STAG3: variants seen among roughly 807,000 people sequenced by gnomAD.
STAG3 encodes cohesin subunit SA-3.
A neutral mutation model predicts 160.7 loss-of-function variants in STAG3; 101 were observed. The ratio of observed to expected loss-of-function variants is 0.63; its 90% CI spans 0.54 to 0.74. The LOEUF (loss-of-function observed/expected upper bound fraction) is 0.74. Among genes scored for constraint, STAG3 ranks in the 30% least tolerant of loss-of-function variants. The pLI is 0.00. For missense variants in STAG3, 1,188 were observed against 1,517.4 expected, an observed-to-expected ratio of 0.78 and a Z score of 3.61; for synonymous variants, 519 against 585.0, an observed-to-expected ratio of 0.89 and a Z score of 1.63.
chr7:100,188,324 A>T lies in STAG3; in HGVS notation c.434-129A>T, dbSNP rs1267944512. 6.5e-6 allele frequency: 5 copies of T among 774,382 alleles called. No homozygotes were observed. The East Asian group carries it at 1.2e-4, about 19-fold the overall frequency. The allele number at this position is 774,382 out of a possible 1,614,324, so 48.0% of individuals were successfully genotyped here. ...GTTGGATGTTGGCAGACTGTTGACCAGGGGGTCTTCTCATTCCCCACCTAA... is the reference window on the plus strand; with the variant it reads ...GTTGGATGTTGGCAGACTGTTGACCTGGGGGTCTTCTCATTCCCCACCTAA... On this transcript the variant is annotated intron_variant, in intron 5 of 33. Coordinates refer to ENST00000615138, the MANE Select transcript of STAG3 (RefSeq NM_001282717.2).
chr7:100,205,287 C>T lies in STAG3; in HGVS notation c.3141C>T (p.Gly1047=), dbSNP rs762705030. The change falls in exon 29 of 34, where the codon GGC becomes GGT. Residue 1047 remains glycine (G), a synonymous_variant. Transcript: ENST00000615138. ...CCCAGGCACCTGGCCATCCCTGGGG[C>T]CCAGTCACCACCTACTGCCACTCCC... The part of the protein sequence containing the change: ...HVSQAPGHPW[G]PVTTYCHSLS... 15 of 1,614,020 alleles carry T rather than the reference C, an allele frequency of 9.3e-6. No homozygotes were observed. Among genetic ancestry groups the T allele is most frequent in the Admixed American group, 3.3e-5 (2 of 59,996 alleles).
At chr7:100,194,218 A>T (rs1206563958) in intron 8 of STAG3, among the ~76,000 whole-genome samples, 2 of 152,176 alleles carry the variant, frequency 1.3e-5, no homozygotes, top group African/African-American at 4.8e-5. Flanking sequence ...TGCTGGGATT[A>T]TAGGTGTGAG....
chr7:100,198,982 G>A (rs762188809), intron 14 of STAG3, 25 bp downstream of exon 14: 35 of 1,605,288 alleles, frequency 2.2e-5, no homozygotes, highest in Non-Finnish European at 2.3e-5. Context: ...GAGAAGTCTG[G>A]CTGTTGTGCA....
At position 100,202,458 on chromosome 7, in the gene STAG3, T is replaced by C. The variant is rs547475730; in HGVS notation, c.2568T>C (p.Asp856=). Residue 856 remains aspartate, a synonymous_variant, in exon 25 of 34, where the codon GAT becomes GAC. Transcript: ENST00000615138. ...TTTGCCTTCCATGTGAGCCAGGTGA[T>C]TCCCAGGAGGATCATTTACAGATAG... ...FIQPGDLGSG[D]SQEDHLQIER... The C allele has an allele frequency of 1.9e-6, 3 of 1,613,506 alleles. No individual in the cohort carries two copies. The highest frequency in any genetic ancestry group is 2.2e-5 in the South Asian group (2 of 91,072).
At chr7:100,183,256 C>T (rs1242814737) in intron 4 of STAG3, among the ~76,000 whole-genome samples, 8 of 151,972 alleles carry the variant, frequency 5.3e-5, no homozygotes, top group African/African-American at 1.7e-4. Context: ...TCAGGTGATC[C>T]GCCCACCTTG....
intron 1 of STAG3, among the ~76,000 whole-genome samples, chr7:100,180,181 G>A (rs1347354181): frequency 1.3e-5 from 2 of 152,062 alleles, no homozygotes; most frequent in Non-Finnish European, 2.9e-5. Flanking sequence ...TCAGCCTCCT[G>A]AATAGCTGAA....
rs562553073 is a variant in STAG3, at chr7:100,209,364, C to T, written c.3239-1647C>T. Among the ~76,000 whole-genome samples, 31 of 152,188 alleles carry T rather than the reference C, an allele frequency of 2.0e-4. No individual in the cohort carries two copies. In the South Asian group the frequency reaches 6.0e-3, roughly 30 times the overall value. On this transcript the variant is annotated intron_variant, in intron 29 of 33. Transcript: ENST00000615138. ...CAAAGGAAGCAGCCAGTCCTGAGGC[C>T]ACGAGGGGATGGGGGGAATGTTCCT...
At chr7:100,189,165 C>A in intron 7 of STAG3, 149 bp downstream of exon 7, 1 of 965,946 alleles carries the variant, frequency 1.0e-6, no homozygotes, top group Non-Finnish European at 1.5e-6. Context: ...TCCAGTTTCT[C>A]ACTAGTGGAG....
At chr7:100,195,155 A>G (rs1162488917) in intron 8 of STAG3, among the ~76,000 whole-genome samples, 154 bp from the exon 9 acceptor site, 1 of 152,242 alleles carries the variant, frequency 6.6e-6, no homozygotes, top group African/African-American at 2.4e-5. Context: ...TTCTTCCAGA[A>G]TTAGAAGGTT....
In STAG3 at chr7:100,182,113, A is replaced by G. The variant is rs1439078672; in HGVS notation, c.140A>G (p.Asp47Gly). 6.2e-7 allele frequency: 1 copy of G among 1,613,780 alleles called. No homozygotes were observed. Residue 47 changes from aspartate (D) to glycine (G), a missense_variant, in exon 3 of 34, where the codon GAT becomes GGT. Around this residue, in one of 4 missense-constraint regions of STAG3, gnomAD observed 296 missense variants for 404.0 expected, o/e 0.73. Transcript: ENST00000615138. ...AGGAATGGCGACTCTTTGTTAGCTG[A>G]TGAAGACACTGACTTTGAAGACAGC... ...SEGNGDSLLA[D>G]EDTDFEDSLN...
chr7:100,188,802 C>A lies in STAG3; in HGVS notation c.511-10C>A, dbSNP rs1368184229. 1.2e-6 allele frequency: 2 copies of A among 1,613,836 alleles called. No individual in the cohort carries two copies. The highest frequency in any genetic ancestry group is 1.7e-6 in the Non-Finnish European group (2 of 1,179,890). On this transcript the variant is annotated splice_polypyrimidine_tract_variant and intron_variant, in intron 6 of 33. Coordinates refer to ENST00000615138, the MANE Select transcript of STAG3 (RefSeq NM_001282717.2). ...TAACTTTCCCATCCTTTTCATACAT[C>A]CTTTTGTAGGACTCGGGGGACTACC...
At chr7:100,191,579 A>G (rs1800345544) in intron 8 of STAG3, among the ~76,000 whole-genome samples, 1 of 152,256 alleles carries the variant, frequency 6.6e-6, no homozygotes. Context: ...ACCTTAATTT[A>G]GAAATATTTT....
At chr7:100,204,286 AT>A (rs373373624) in intron 26 of STAG3, among the ~76,000 whole-genome samples, 164 bp downstream of exon 26, 16 of 149,436 alleles carry the variant, frequency 1.1e-4, no homozygotes, top group Admixed American at 1.3e-4. Context: ...CTTGGGAAGT[AT>A]TTTTTTTTTA....
At chr7:100,203,193 T>A (rs958627633) in intron 25 of STAG3, among the ~76,000 whole-genome samples, 2 of 151,460 alleles carry the variant, frequency 1.3e-5, no homozygotes, top group Non-Finnish European at 2.9e-5. Context: ...TTCTTTTTTT[T>A]TTTTTTTCCT....
downstream of STAG3, among the ~76,000 whole-genome samples, chr7:100,217,043 TG>T (rs1308200833): frequency 2.2e-4 from 33 of 152,264 alleles, no homozygotes; most frequent in African/African-American, 7.5e-4. Flanking sequence ...TGTGTGGTGA[TG>T]GGCTGGGGGT....
rs770278477 is a variant in STAG3 at position 100,198,507 on chromosome 7, G to A, written c.1277G>A (p.Cys426Tyr). 1 of 1,614,218 alleles carries A rather than the reference G, an allele frequency of 6.2e-7. No homozygotes were observed. The highest frequency in any genetic ancestry group is 8.5e-7 in the Non-Finnish European group (1 of 1,180,044). The change falls in exon 13 of 34, where the codon TGT becomes TAT. Residue 426 changes from cysteine (C) to tyrosine (Y), a missense_variant. Cys to Tyr is a radical substitution (Grantham distance 194). Coordinates refer to ENST00000615138, the MANE Select transcript of STAG3 (RefSeq NM_001282717.2). ...GAAGGGGTGCTGACGGACGCGGATTGTGAGAGCGTCTACCCAGTTGTGTAT... is the reference window on the plus strand; with the variant it reads ...GAAGGGGTGCTGACGGACGCGGATTATGAGAGCGTCTACCCAGTTGTGTAT... ...NMEGVLTDADCESVYPVVYAS... is the reference protein window; with the variant it reads ...NMEGVLTDADYESVYPVVYAS...
At chr7:100,215,913 T>A (rs185087951), downstream of STAG3, among the ~76,000 whole-genome samples, 3 of 152,324 alleles carry the variant, frequency 2.0e-5, no homozygotes, top group Admixed American at 2.0e-4. Flanking sequence ...TGTCTCTTCC[T>A]GTACCTGGGT....
At chr7:100,180,762 CTG>C (rs1799595237) in intron 2 of STAG3, 90 bp downstream of exon 2, 3 of 824,754 alleles carry the variant, frequency 3.6e-6, no homozygotes, top group Non-Finnish European at 6.3e-6. Flanking sequence ...ATGCGTGGGA[CTG>C]TGTGAAAACA....
chr7:100,180,359 C>G, intron 1 of STAG3, 134 bp from the exon 2 acceptor site: 1 of 520,990 alleles, frequency 1.9e-6, no homozygotes, highest in Non-Finnish European at 3.5e-6. Flanking sequence ...GGTGCCCAGC[C>G]TTTGTCTTAG....
Sources: gnomAD v4.1 joint callset for allele counts (sites outside exome capture counted in the v4.1 genomes callset) on GRCh38, gnomAD v4.1.1 for gene constraint, gnomAD v4.1.1 regional missense constraint, MANE v1.5 for transcripts, NCBI Gene and HGNC (gene_info 2026-07-23, HGNC 2026-07-21) for gene names.